Variants in CDH13 observed in about 807,000 individuals in gnomAD.
CDH13 encodes cadherin-13.
Under a neutral mutation model 63.8 loss-of-function variants are expected in CDH13, and 24 were observed. The ratio of observed to expected loss-of-function variants is 0.38; its 90% CI spans 0.27 to 0.53. The LOEUF is 0.53. CDH13 is among the 20% of genes least tolerant of loss of function. The probability of loss-of-function intolerance (pLI) is 0.85; values close to 1 mark genes in which losing one functional copy is unlikely to be tolerated. For synonymous variants in CDH13, 503 were observed against 355.3 expected (o/e 1.42, Z -4.67); for missense variants, 1,049 against 903.1 (o/e 1.16, Z -2.07).
intron 5 of CDH13, among the ~76,000 whole-genome samples, chr16:83,292,588 C>G (rs977845693): frequency 1.3e-5 from 2 of 152,144 alleles, no homozygotes; most frequent in Non-Finnish European, 2.9e-5. Flanking sequence ...GCGGTAGGAG[C>G]TATACCTCTC....
intron 1 of CDH13, among the ~76,000 whole-genome samples, chr16:82,744,159 G>A (rs984393602): frequency 6.6e-6 from 1 of 152,206 alleles, no homozygotes; most frequent in Non-Finnish European, 1.5e-5. Context: ...AGTTGACAGA[G>A]ATAGGATGGC....
chr16:82,698,153 A>G (rs929199937), intron 1 of CDH13, among the ~76,000 whole-genome samples: 4 of 152,226 alleles, frequency 2.6e-5, no homozygotes, highest in African/African-American at 9.6e-5. Flanking sequence ...TGTTCAAAGT[A>G]TGGAAGATTG....
rs149554852 is a variant in CDH13, at chr16:82,866,512, C to T, written c.157+8039C>T. On this transcript the variant is annotated intron_variant, in intron 2 of 13. Transcript: ENST00000567109. Reference sequence around the variant, plus strand: ...CAAGCGATTCTCCTGCCTCAGCTTCCTGAGTAGCTGGGACTACAGGCATGA... The same window carrying T: ...CAAGCGATTCTCCTGCCTCAGCTTCTTGAGTAGCTGGGACTACAGGCATGA... 9.2e-3 allele frequency among the ~76,000 whole-genome samples: 1,373 copies of T among 149,810 alleles called. 23 individuals carry two copies. Among genetic ancestry groups the T allele is most frequent in the African/African-American group, 0.032 (1,300 of 40,686 alleles).
intron 1 of CDH13, among the ~76,000 whole-genome samples, chr16:82,763,064 A>T (rs1249071302): frequency 6.6e-6 from 1 of 152,192 alleles, no homozygotes; most frequent in Non-Finnish European, 1.5e-5. Flanking sequence ...TAAGCATGTG[A>T]GTATGGACCT....
At chr16:83,251,329 T>G (rs905320764) in intron 5 of CDH13, among the ~76,000 whole-genome samples, 1 of 152,190 alleles carries the variant, frequency 6.6e-6, no homozygotes, top group African/African-American at 2.4e-5. Flanking sequence ...ATGTTAAGTA[T>G]TTTACATGAA....
At chr16:83,790,493 G>A (rs554896312) in intron 13 of CDH13, among the ~76,000 whole-genome samples, 6 of 152,118 alleles carry the variant, frequency 3.9e-5, no homozygotes, top group Admixed American at 2.0e-4. Flanking sequence ...TCCACCTCCC[G>A]GATTCACGCC....
rs544550469 is a variant in CDH13 at position 83,504,799 on chromosome 16, A to T, written c.960+18144A>T. On this transcript the variant is annotated intron_variant, in intron 7 of 13. Transcript: ENST00000567109. Reference sequence around the variant, plus strand: ...AGTAGTGGCTTCAAGGAATTTTTTTAAAAAATAACATTTGTTTATAGTTGT... The same window carrying T: ...AGTAGTGGCTTCAAGGAATTTTTTTTAAAAATAACATTTGTTTATAGTTGT... Among the ~76,000 whole-genome samples the T allele has an allele frequency of 7.9e-4, 121 of 152,288 alleles. 2 individuals carry two copies. The highest frequency in any genetic ancestry group is 2.8e-3 in the African/African-American group (116 of 41,548).
At chr16:83,380,073 A>G (rs898780091) in intron 6 of CDH13, among the ~76,000 whole-genome samples, 3 of 151,980 alleles carry the variant, frequency 2.0e-5, no homozygotes, top group African/African-American at 7.3e-5. Context: ...TCTCAGAAAC[A>G]AATATATGCC....
chr16:83,453,144 C>A (rs915634194), intron 6 of CDH13, among the ~76,000 whole-genome samples: 2 of 152,140 alleles, frequency 1.3e-5, no homozygotes, highest in African/African-American at 4.8e-5. Context: ...ATTGTGTGTT[C>A]TCATCTGTGG....
chr16:83,192,798 A>G (rs2038760316), intron 4 of CDH13, among the ~76,000 whole-genome samples: 1 of 152,174 alleles, frequency 6.6e-6, no homozygotes, highest in Admixed American at 6.5e-5. Flanking sequence ...ACTGTTGCCC[A>G]ACAACTGCCC....
chr16:83,677,884 G>T (rs925725863), intron 9 of CDH13, among the ~76,000 whole-genome samples: 8 of 151,956 alleles, frequency 5.3e-5, no homozygotes, highest in South Asian at 2.1e-4. Context: ...GCTCACTAAG[G>T]TTCAAGTCAC....
In CDH13 at chr16:83,047,677, T is replaced by C. The variant is rs1425991315; in HGVS notation, c.366+15459T>C. Among the ~76,000 whole-genome samples the C allele has an allele frequency of 6.6e-6, 1 of 152,224 alleles. No homozygotes were observed. The highest frequency in any genetic ancestry group is 1.5e-5 in the Non-Finnish European group (1 of 68,040). On this transcript the variant is annotated intron_variant, in intron 3 of 13. Coordinates refer to ENST00000567109, the MANE Select transcript of CDH13 (RefSeq NM_001257.5). The surrounding 1 kb of genome is among the most constrained non-coding windows in gnomAD (Gnocchi z 4.9). ...GTTGCTATAAATCTAGCACTTACAATATCTGGCTGTGAATAAATAATTTCT... is the reference window on the plus strand; with the variant it reads ...GTTGCTATAAATCTAGCACTTACAACATCTGGCTGTGAATAAATAATTTCT...
chr16:83,344,666 G>A (rs1380832668), intron 5 of CDH13, among the ~76,000 whole-genome samples, 196 bp from the exon 6 acceptor site: 1 of 152,162 alleles, frequency 6.6e-6, no homozygotes, highest in Non-Finnish European at 1.5e-5. Context: ...GATCTAAAGT[G>A]AACTGATCTT....
intron 6 of CDH13, among the ~76,000 whole-genome samples, chr16:83,365,095 G>C (rs78895225): frequency 6.6e-6 from 1 of 152,138 alleles, no homozygotes; most frequent in African/African-American, 2.4e-5. Flanking sequence ...AAAGGATATT[G>C]GTTATTATGA....
chr16:83,743,406 T>A (rs1242707587), intron 10 of CDH13, among the ~76,000 whole-genome samples: 1 of 152,210 alleles, frequency 6.6e-6, no homozygotes, highest in Non-Finnish European at 1.5e-5. Flanking sequence ...GTATTGTTTC[T>A]GAGGACTGCC....
intron 13 of CDH13, among the ~76,000 whole-genome samples, chr16:83,789,629 G>A (rs1031608278): frequency 2.7e-5 from 4 of 147,112 alleles, no homozygotes; most frequent in Admixed American, 6.7e-5. Context: ...GATTACAGGC[G>A]TGAGCCACCA....
intron 8 of CDH13, among the ~76,000 whole-genome samples, chr16:83,612,156 T>C (rs1189159026): frequency 6.6e-6 from 1 of 152,086 alleles, no homozygotes; most frequent in Non-Finnish European, 1.5e-5. Flanking sequence ...GTTGGTACTA[T>C]TAAATTTTTA....
chr16:82,772,517 A>T (rs1486612913), intron 1 of CDH13, among the ~76,000 whole-genome samples: 1 of 152,198 alleles, frequency 6.6e-6, no homozygotes, highest in Non-Finnish European at 1.5e-5. Context: ...AAGGTCTCTC[A>T]ACCTGAGGTG....
rs538341062 is a variant in CDH13 at position 83,663,218 on chromosome 16, A to G, written c.1102-7572A>G. 3.3e-5 allele frequency among the ~76,000 whole-genome samples: 5 copies of G among 152,320 alleles called. No homozygotes were observed. The East Asian group carries it at 9.7e-4, about 29-fold the overall frequency. On this transcript the variant is annotated intron_variant, in intron 8 of 13. Transcript: ENST00000567109. ...GGGTCCAATCAGCTATGGCCAAGGAAGCTAGGATCACATGATACAAAATGA... is the reference window on the plus strand; with the variant it reads ...GGGTCCAATCAGCTATGGCCAAGGAGGCTAGGATCACATGATACAAAATGA...
Sources: allele counts gnomAD v4.1 joint callset (sites outside exome capture counted in the v4.1 genomes callset), GRCh38; gene constraint gnomAD v4.1.1; non-coding constraint Gnocchi (gnomAD v3.1); transcripts MANE v1.5; gene names NCBI Gene and HGNC (gene_info 2026-07-23, HGNC 2026-07-21).